Variants in VTI1A observed in about 807,000 individuals in gnomAD.
The protein encoded by VTI1A is vesicle transport through interaction with t-SNAREs 1A, also known as vesicle transport through interaction with t-SNAREs homolog 1A.
Under a neutral mutation model 34.9 loss-of-function variants are expected in VTI1A, and 22 were observed. That is an observed-to-expected ratio of 0.63 (90% CI 0.45 to 0.90). VTI1A has a LOEUF of 0.90. VTI1A is among the 40% of genes least tolerant of loss of function. VTI1A has a pLI of 0.00. For synonymous variants in VTI1A, 87 were observed against 97.3 expected (o/e 0.89, Z 0.62); for missense variants, 268 against 275.6 (o/e 0.97, Z 0.20).
rs186313909 is a variant in VTI1A at position 112,462,013 on chromosome 10, G to C, written c.153+1431G>C. ...TTACAGGCATGCACCACCATGCCTG[G>C]CTAATTTTGTATTTTCAGTAGAGAC... On this transcript the variant is annotated intron_variant, in intron 2 of 7. Transcript: ENST00000393077. Among the ~76,000 whole-genome samples, 5 of 152,262 alleles carry C rather than the reference G, an allele frequency of 3.3e-5. No individual in the cohort carries two copies. In the East Asian group the frequency reaches 9.7e-4, roughly 29 times the overall value.
rs61874562 is a variant in VTI1A at position 112,461,809 on chromosome 10, T to A, written c.153+1227T>A. Among the ~76,000 whole-genome samples, 1,432 of 152,264 alleles carry A rather than the reference T, an allele frequency of 9.4e-3. 8 individuals are homozygous for A. Among genetic ancestry groups the A allele is most frequent in the Non-Finnish European group, 0.014 (942 of 67,992 alleles). ...CTCGGCTCACTGCAACCTCTGCCTCTTGGGCTCAAGCGATTCTCATGCCTC... is the reference window on the plus strand; with the variant it reads ...CTCGGCTCACTGCAACCTCTGCCTCATGGGCTCAAGCGATTCTCATGCCTC... On this transcript the variant is annotated intron_variant, in intron 2 of 7. Transcript: ENST00000393077.
At chr10:112,579,890 A>G (rs920406601) in intron 5 of VTI1A, among the ~76,000 whole-genome samples, 1 of 152,228 alleles carries the variant, frequency 6.6e-6, no homozygotes, top group Non-Finnish European at 1.5e-5. Context: ...ATTAAATACT[A>G]TAGAAGACCC....
At chr10:112,471,767 T>G (rs1465244727) in intron 3 of VTI1A, among the ~76,000 whole-genome samples, 1 of 151,976 alleles carries the variant, frequency 6.6e-6, no homozygotes, top group Non-Finnish European at 1.5e-5. Flanking sequence ...CCTTCTCATG[T>G]CAGAATGTTC....
At chr10:112,828,135 A>G in the VTI1A span, among the ~76,000 whole-genome samples, 2,382 of 152,226 alleles carry the variant, frequency 0.016, 61 homozygotes, top group African/African-American at 0.054. Flanking sequence ...GCATGTGACA[A>G]ACCATCACAC....
chr10:112,552,667 T>C (rs959373690), intron 5 of VTI1A, among the ~76,000 whole-genome samples: 3 of 152,156 alleles, frequency 2.0e-5, no homozygotes, highest in African/African-American at 7.2e-5. Context: ...AAGTATCTTA[T>C]TGCCTCACTG....
intron 7 of VTI1A, among the ~76,000 whole-genome samples, chr10:112,790,169 C>T (rs1051735065): frequency 1.3e-5 from 2 of 152,094 alleles, no homozygotes; most frequent in African/African-American, 2.4e-5. Context: ...CTAGGGGTTG[C>T]CCCTTTGTGT....
chr10:112,637,666 A>G (rs1026669220), intron 5 of VTI1A, among the ~76,000 whole-genome samples: 1 of 152,214 alleles, frequency 6.6e-6, no homozygotes, highest in Non-Finnish European at 1.5e-5. Flanking sequence ...TCTCAAAAAA[A>G]AAACAGCTGT....
intron 5 of VTI1A, among the ~76,000 whole-genome samples, chr10:112,560,166 A>C (rs1449986478): frequency 6.6e-6 from 1 of 152,208 alleles, no homozygotes; most frequent in Admixed American, 6.5e-5. Context: ...TAACATATAA[A>C]GATTTTCTAT....
At chr10:112,478,008 T>G (rs1362284072) in intron 3 of VTI1A, among the ~76,000 whole-genome samples, 1 of 152,204 alleles carries the variant, frequency 6.6e-6, no homozygotes, top group Non-Finnish European at 1.5e-5. Context: ...TCATTTTAGT[T>G]TCAGTGAAGT....
chr10:112,764,342 G>A (rs149243398), intron 7 of VTI1A, among the ~76,000 whole-genome samples: 12 of 152,228 alleles, frequency 7.9e-5, no homozygotes, highest in East Asian at 5.8e-4. Context: ...GGAGACTTGC[G>A]GTGTGGTTAA....
chr10:112,612,359 C>A (rs753792171), intron 5 of VTI1A, among the ~76,000 whole-genome samples: 2 of 152,148 alleles, frequency 1.3e-5, no homozygotes, highest in Non-Finnish European at 2.9e-5. Context: ...AGAGTGATTT[C>A]TTTCTTGCTT....
intron 5 of VTI1A, among the ~76,000 whole-genome samples, chr10:112,563,973 A>C (rs2056865425): frequency 6.6e-6 from 1 of 152,160 alleles, no homozygotes; most frequent in African/African-American, 2.4e-5. Context: ...AGTGCATTTA[A>C]ATATGGTTTT....
chr10:112,717,977 C>G (rs540308368), intron 7 of VTI1A, among the ~76,000 whole-genome samples: 3 of 152,278 alleles, frequency 2.0e-5, no homozygotes, highest in African/African-American at 7.2e-5. Context: ...CTTCCTTGCT[C>G]CCTTCCCACA....
intron 3 of VTI1A, among the ~76,000 whole-genome samples, chr10:112,508,913 G>A (rs1175372670): frequency 1.3e-5 from 2 of 152,130 alleles, no homozygotes; most frequent in African/African-American, 4.8e-5. Flanking sequence ...AGCAAATAAT[G>A]TCAAAAGCAA....
chr10:112,814,456 A>T (rs891206404), intron 7 of VTI1A, among the ~76,000 whole-genome samples: 4 of 152,024 alleles, frequency 2.6e-5, no homozygotes, highest in African/African-American at 9.7e-5. Context: ...CTGATGTTCG[A>T]CCTCTTTTCT....
intron 5 of VTI1A, among the ~76,000 whole-genome samples, chr10:112,583,797 C>T (rs1844044879): frequency 6.6e-6 from 1 of 152,100 alleles, no homozygotes; most frequent in South Asian, 2.1e-4. Flanking sequence ...AGGCTAACTC[C>T]CAGGGGGCAA....
intron 7 of VTI1A, among the ~76,000 whole-genome samples, chr10:112,705,819 C>T (rs918624735): frequency 6.6e-6 from 1 of 152,130 alleles, no homozygotes; most frequent in Admixed American, 6.5e-5. Flanking sequence ...GCCCACCCAC[C>T]TAAAGGTCAC....
intron 7 of VTI1A, among the ~76,000 whole-genome samples, chr10:112,689,899 C>T (rs762367565): frequency 1.3e-5 from 2 of 152,140 alleles, no homozygotes; most frequent in Non-Finnish European, 2.9e-5. Context: ...CCAGAAGTTT[C>T]CTCCTACCCC....
At chr10:112,623,147 G>A (rs1845792006) in intron 5 of VTI1A, among the ~76,000 whole-genome samples, 1 of 152,170 alleles carries the variant, frequency 6.6e-6, no homozygotes. Flanking sequence ...TGGCATGAGA[G>A]ATATGTAGAT....
Sources: allele counts gnomAD v4.1 joint callset (sites outside exome capture counted in the v4.1 genomes callset), GRCh38; gene constraint gnomAD v4.1.1; transcripts MANE v1.5; gene names NCBI Gene and HGNC (gene_info 2026-07-23, HGNC 2026-07-21).